The following GLIS1 variants were observed in gnomAD, a reference collection of about 807,000 sequenced individuals.
The protein encoded by GLIS1 is zinc finger protein GLIS1.
Under a neutral mutation model 63.8 loss-of-function variants are expected in GLIS1, and 24 were observed. The observed-to-expected ratio is 0.38, with a 90% CI of 0.27 to 0.53. GLIS1 has a LOEUF of 0.53. Among genes scored for constraint, GLIS1 ranks in the 20% least tolerant of loss-of-function variants. The pLI is 0.85. For missense variants in GLIS1, 1,036 were observed against 1,074.1 expected, an observed-to-expected ratio of 0.96 and a Z score of 0.50; for synonymous variants, 450 against 482.5, an observed-to-expected ratio of 0.93 and a Z score of 0.88.
At chr1:53,542,230 T>G (rs1336987745) in intron 4 of GLIS1, among the ~76,000 whole-genome samples, 1 of 152,186 alleles carries the variant, frequency 6.6e-6, no homozygotes, top group African/African-American at 2.4e-5. Context: ...GGAATAGCAC[T>G]GCACCTCCAC....
Position 53,737,791 on chromosome 1 carries a change from C to T in GLIS1, c.259+15G>A. ...CCACAGGAGCCGCCAGGCACGTTGG[C>T]AGGGCCGAACTCACCCTTCCCGGCG... On this transcript the variant is annotated intron_variant, in intron 2 of 10. Transcript: ENST00000628545. 2.4e-6 allele frequency: 3 copies of T among 1,230,942 alleles called. No individual in the cohort carries two copies. The highest frequency in any genetic ancestry group is 8.2e-5 in the South Asian group (2 of 24,316). The allele number at this position is 1,230,942 out of a possible 1,614,324, so 76.3% of individuals were successfully genotyped here.
chr1:53,627,765 T>G (rs1195753683), intron 2 of GLIS1, among the ~76,000 whole-genome samples: 1 of 151,352 alleles, frequency 6.6e-6, no homozygotes, highest in South Asian at 2.1e-4. Flanking sequence ...AGAGAGGAGG[T>G]GGAGGGGAGG....
At chr1:53,518,526 T>C (rs1192325850) in intron 7 of GLIS1, among the ~76,000 whole-genome samples, 5 of 152,172 alleles carry the variant, frequency 3.3e-5, no homozygotes, top group African/African-American at 1.2e-4. Flanking sequence ...ATCAGTCACA[T>C]AGGGTTTATG....
intron 2 of GLIS1, among the ~76,000 whole-genome samples, chr1:53,669,738 C>T (rs773232097): frequency 6.6e-6 from 1 of 152,212 alleles, no homozygotes; most frequent in Admixed American, 6.5e-5. Flanking sequence ...ATGTGCCTAT[C>T]CCACATAGAC....
At chr1:53,547,310 T>A (rs1557443342) in intron 4 of GLIS1, among the ~76,000 whole-genome samples, 1 of 152,216 alleles carries the variant, frequency 6.6e-6, no homozygotes, top group Non-Finnish European at 1.5e-5. Flanking sequence ...TGCCCTCTGA[T>A]CCTTGGCCTC....
intron 4 of GLIS1, among the ~76,000 whole-genome samples, chr1:53,581,804 G>C (rs1645088042): frequency 6.6e-6 from 1 of 152,178 alleles, no homozygotes; most frequent in South Asian, 2.1e-4. Flanking sequence ...GAGTGTGGAA[G>C]GAACTGGGGC....
At chr1:53,676,175 G>A (rs2100412242) in intron 2 of GLIS1, among the ~76,000 whole-genome samples, 1 of 152,088 alleles carries the variant, frequency 6.6e-6, no homozygotes, top group African/African-American at 2.4e-5. Flanking sequence ...AAATCTGTGG[G>A]ATGCAACAAT....
chr1:53,687,457 G>A (rs767497994), intron 2 of GLIS1, among the ~76,000 whole-genome samples: 2 of 152,140 alleles, frequency 1.3e-5, no homozygotes, highest in Non-Finnish European at 1.5e-5. Context: ...CACCAAGCCC[G>A]TGTCAGGCCT....
chr1:53,572,212 C>G (rs1644991112), intron 4 of GLIS1, among the ~76,000 whole-genome samples: 1 of 152,226 alleles, frequency 6.6e-6, no homozygotes. Flanking sequence ...GGTGTCTCCA[C>G]TTCCCAGAGC....
rs1415428999 is a variant in GLIS1 at position 53,598,749 on chromosome 1, A to C, written c.437+1352T>G. On this transcript the variant is annotated intron_variant, in intron 3 of 10. Coordinates refer to ENST00000628545, the MANE Select transcript of GLIS1 (RefSeq NM_001367484.1). The surrounding 1 kb of genome is among the most constrained non-coding windows in gnomAD (Gnocchi z 4.6). ...CATGGCATTTGCTATGGCAGCCTAA[A>C]CAAACGAATACACACCCAAAATCAG... 6.6e-6 allele frequency among the ~76,000 whole-genome samples: 1 copy of C among 152,208 alleles called. No homozygotes were observed. The highest frequency in any genetic ancestry group is 1.5e-5 in the Non-Finnish European group (1 of 68,030).
chr1:53,686,607 T>C (rs1325796986), intron 2 of GLIS1, among the ~76,000 whole-genome samples: 1 of 152,012 alleles, frequency 6.6e-6, no homozygotes, highest in Non-Finnish European at 1.5e-5. Flanking sequence ...GCAGATAAAC[T>C]GGAATGCAGG....
intron 8 of GLIS1, among the ~76,000 whole-genome samples, chr1:53,513,177 T>G (rs1644315701): frequency 6.6e-6 from 1 of 152,116 alleles, no homozygotes; most frequent in Non-Finnish European, 1.5e-5. Flanking sequence ...CTCCTCTCCC[T>G]GCCCAGCTCG....
intron 10 of GLIS1, among the ~76,000 whole-genome samples, chr1:53,507,751 C>G (rs1644250535): frequency 6.6e-6 from 1 of 152,216 alleles, no homozygotes; most frequent in South Asian, 2.1e-4. Context: ...AGAACCTCCC[C>G]TGGCCGGTGT....
chr1:53,737,759 C>A, intron 2 of GLIS1, 47 bp downstream of exon 2: 1 of 1,230,278 alleles, frequency 8.1e-7, no homozygotes. Flanking sequence ...CCGGGCAGCC[C>A]GAATCTCCAC....
intron 2 of GLIS1, among the ~76,000 whole-genome samples, 199 bp downstream of exon 2, chr1:53,737,607 A>T (rs969635614): frequency 2.0e-5 from 3 of 152,242 alleles, no homozygotes; most frequent in African/African-American, 7.2e-5. Context: ...ATTTCCCCAA[A>T]CGGGGCTAAT....
chr1:53,559,973 C>T (rs1436092920), intron 4 of GLIS1, among the ~76,000 whole-genome samples: 1 of 152,178 alleles, frequency 6.6e-6, no homozygotes, highest in Non-Finnish European at 1.5e-5. Context: ...GGTCTTTCTC[C>T]ACCTTGGCTA....
In GLIS1 at chr1:53,539,546, A is replaced by AC. The variant is rs71044475; in HGVS notation, c.1321-9595dup. Among the ~76,000 whole-genome samples, 73,435 of 146,266 alleles carry AC rather than the reference A, an allele frequency of 0.5. 18,671 individuals are homozygous for AC. The highest frequency in any genetic ancestry group is 0.54 in the African/African-American group (21,348 of 39,442). On this transcript the variant is annotated intron_variant, in intron 4 of 10. Coordinates refer to ENST00000628545, the MANE Select transcript of GLIS1 (RefSeq NM_001367484.1). The surrounding 1 kb of genome is among the most constrained non-coding windows in gnomAD (Gnocchi z 5.0). ...CACACACACATACCACACGGTATAC[A>AC]CCCCCCCACACACACTACACATCAT...
intron 2 of GLIS1, among the ~76,000 whole-genome samples, chr1:53,693,129 G>T (rs1286559731): frequency 6.6e-6 from 1 of 152,174 alleles, no homozygotes; most frequent in Non-Finnish European, 1.5e-5. Context: ...TGCAGACAAG[G>T]AAATCATCGT....
Position 53,697,720 on chromosome 1 carries a change from C to T in GLIS1, c.259+40086G>A, listed in dbSNP as rs898750633. 1.3e-5 allele frequency among the ~76,000 whole-genome samples: 2 copies of T among 152,198 alleles called. 1 individual carries two copies. The highest frequency in any genetic ancestry group is 4.8e-5 in the African/African-American group (2 of 41,438). On this transcript the variant is annotated intron_variant, in intron 2 of 10. Coordinates refer to ENST00000628545, the MANE Select transcript of GLIS1 (RefSeq NM_001367484.1). ...AGCATATACTCGGTGCGGACACTGT[C>T]CTAAACACTTTTGCACGTATTGCCT...
Sources: gnomAD v4.1 joint callset for allele counts (sites outside exome capture counted in the v4.1 genomes callset) on GRCh38, gnomAD v4.1.1 for gene constraint, Gnocchi (gnomAD v3.1) non-coding constraint, MANE v1.5 for transcripts, NCBI Gene and HGNC (gene_info 2026-07-23, HGNC 2026-07-21) for gene names.